The following BTF3L4 variants were observed in gnomAD, a reference collection of about 807,000 sequenced individuals.
BTF3L4 encodes the protein basic transcription factor 3 like 4, also known as transcription factor BTF3 homolog 4.
In BTF3L4, 6 loss-of-function variants were observed where a neutral mutation model predicts 16.8. The observed-to-expected ratio is 0.36, with a 90% CI of 0.20 to 0.71. The LOEUF is 0.71. Among genes scored for constraint, BTF3L4 ranks in the 30% least tolerant of loss-of-function variants. BTF3L4 has a pLI of 0.58. For synonymous variants in BTF3L4, 39 were observed against 59.8 expected, an observed-to-expected ratio of 0.65 and a Z score of 1.60; for missense variants, 92 against 186.9, an observed-to-expected ratio of 0.49 and a Z score of 2.96.
Position 52,079,862 on chromosome 1 carries a change from C to A in BTF3L4, c.169-3478C>A, listed in dbSNP as rs1381345238. On this transcript the variant is annotated intron_variant, in intron 3 of 5. Coordinates refer to ENST00000313334, the MANE Select transcript of BTF3L4 (RefSeq NM_152265.5). ...CATGAGGCCATGGAATTTTCTTTTT[C>A]TTTTCTTTTCTTTTTTTTTTTTTTT... is the stretch of plus-strand genomic sequence containing the variant. Among the ~76,000 whole-genome samples, 3 of 135,130 alleles carry A rather than the reference C, an allele frequency of 2.2e-5. No homozygotes were observed. In the South Asian group the frequency reaches 6.8e-4, roughly 31 times the overall value. 88.7% of individuals were successfully genotyped at this position (135,130 alleles called of 152,430 possible). A position where few individuals can be genotyped will look rare whatever the true frequency, so the allele number is the denominator to read the frequency against.
rs1686352799 is a variant in BTF3L4, at chr1:52,056,394, G to C, written c.-14+15G>C. ...CCCTGCTTCAGGTGAGACCCCCGGC[G>C]GTCCCGCCACTTCACGGCCATAGGC... is the stretch of plus-strand genomic sequence containing the variant. On this transcript the variant is annotated intron_variant, in intron 1 of 5. Transcript: ENST00000313334. The C allele has an allele frequency of 6.5e-6, 1 of 153,398 alleles. No individual in the cohort carries two copies. The highest frequency in any genetic ancestry group is 2.4e-5 in the African/African-American group (1 of 41,484). 9.5% of individuals were successfully genotyped at this position (153,398 alleles called of 1,614,324 possible). A position where few individuals can be genotyped will look rare whatever the true frequency, so the allele number is the denominator to read the frequency against.
At chr1:52,086,432 T>C in intron 5 of BTF3L4, 1 of 489,060 alleles carries the variant, frequency 2.0e-6, no homozygotes, top group East Asian at 3.3e-5. Context: ...GCTATTGTTA[T>C]AACATTTCTG....
chr1:52,058,658 A>G (rs1041658823), intron 1 of BTF3L4, among the ~76,000 whole-genome samples: 1 of 151,636 alleles, frequency 6.6e-6, no homozygotes. Flanking sequence ...CTGGAGTGCA[A>G]TGGCATGATC....
chr1:52,081,981 A>G (rs775663944), intron 3 of BTF3L4, among the ~76,000 whole-genome samples: 2 of 152,192 alleles, frequency 1.3e-5, no homozygotes, highest in African/African-American at 2.4e-5. Context: ...AACACTCAGC[A>G]TCTATGCTTG....
intron 4 of BTF3L4, among the ~76,000 whole-genome samples, chr1:52,085,013 C>CTCTTT (rs1271594843): frequency 1.7e-5 from 1 of 58,530 alleles, no homozygotes; most frequent in African/African-American, 6.8e-5. Context: ...TGAAAAAAAT[C>CTCTTT]TTTTTTTTTT....
chr1:52,071,566 C>T (rs1161188721), intron 3 of BTF3L4, among the ~76,000 whole-genome samples: 1 of 152,252 alleles, frequency 6.6e-6, no homozygotes, highest in East Asian at 1.9e-4. Flanking sequence ...TTAAGAGGTA[C>T]TGATTATTCC....
intron 1 of BTF3L4, among the ~76,000 whole-genome samples, chr1:52,057,504 TGTTTC>T (rs781700264): frequency 7.9e-5 from 12 of 152,238 alleles, no homozygotes; most frequent in Non-Finnish European, 1.6e-4. Flanking sequence ...GGGAGGGAAC[TGTTTC>T]GTTTGTAATT....
intron 3 of BTF3L4, among the ~76,000 whole-genome samples, chr1:52,075,227 A>C (rs1376055990): frequency 1.3e-5 from 2 of 152,072 alleles, no homozygotes. Flanking sequence ...TTGATAATAA[A>C]AGAATCATGT....
intron 3 of BTF3L4, among the ~76,000 whole-genome samples, chr1:52,078,441 TGG>T (rs1686987277): frequency 6.6e-6 from 1 of 152,052 alleles, no homozygotes; most frequent in African/African-American, 2.4e-5. Flanking sequence ...TACTAGATAT[TGG>T]GGGAAATACT....
In BTF3L4 at chr1:52,089,968, G is replaced by A. The variant is rs1644004817; in HGVS notation, c.*3210G>A. The A allele has an allele frequency of 6.6e-6, 1 of 152,116 alleles. No homozygotes were observed. The allele number at this position is 152,116 out of a possible 1,614,324, so 9.4% of individuals were successfully genotyped here. A position where few individuals can be genotyped will look rare whatever the true frequency, so the allele number is the denominator to read the frequency against. On this transcript the variant is annotated 3_prime_UTR_variant, in exon 6 of 6. Coordinates refer to ENST00000313334, the MANE Select transcript of BTF3L4 (RefSeq NM_152265.5). Reference sequence around the variant, plus strand: ...TGTTTTAATTCAGTGTTTAACCCTAGGTATGCTACATACCCATAAATAAGA... The same window carrying A: ...TGTTTTAATTCAGTGTTTAACCCTAAGTATGCTACATACCCATAAATAAGA...
rs3991108 is a variant in BTF3L4 at position 52,088,913 on chromosome 1, A to ATTTTTTTTTTTT, written c.*2162_*2173dup. The ATTTTTTTTTTTT allele has an allele frequency of 6.2e-5, 8 of 128,652 alleles. No individual in the cohort carries two copies. Among genetic ancestry groups the ATTTTTTTTTTTT allele is most frequent in the Non-Finnish European group, 1.3e-4 (8 of 60,494 alleles). 8.0% of individuals were successfully genotyped at this position (128,652 alleles called of 1,614,324 possible). A position where few individuals can be genotyped will look rare whatever the true frequency, so the allele number is the denominator to read the frequency against. On this transcript the variant is annotated 3_prime_UTR_variant, in exon 6 of 6. Coordinates refer to ENST00000313334, the MANE Select transcript of BTF3L4 (RefSeq NM_152265.5). ...TGTCTCAGCCTCCACAGTAGCTGGG[A>ATTTTTTTTTTTT]TTTTTTTTTTTTTTTTTTGTATTTT... is the stretch of plus-strand genomic sequence containing the variant.
chr1:52,058,422 C>G (rs979851257), intron 1 of BTF3L4, among the ~76,000 whole-genome samples: 2 of 152,072 alleles, frequency 1.3e-5, no homozygotes, highest in African/African-American at 4.8e-5. Context: ...GTCTTTGATG[C>G]TGCTTTTTTT....
intron 3 of BTF3L4, among the ~76,000 whole-genome samples, chr1:52,066,556 TTAACC>T: frequency 6.7e-6 from 1 of 149,806 alleles, no homozygotes; most frequent in East Asian, 2.1e-4. Flanking sequence ...TAAGTTAAAT[TTAACC>T]GGCCGGGTGC....
At chr1:52,069,705 A>C (rs1225313470) in intron 3 of BTF3L4, among the ~76,000 whole-genome samples, 4 of 152,198 alleles carry the variant, frequency 2.6e-5, no homozygotes, top group Non-Finnish European at 5.9e-5. Flanking sequence ...AAAACATGAA[A>C]AAGTAGAAAG....
intron 3 of BTF3L4, among the ~76,000 whole-genome samples, chr1:52,078,968 A>G (rs1316742067): frequency 2.0e-5 from 3 of 152,192 alleles, no homozygotes; most frequent in Non-Finnish European, 1.5e-5. Context: ...TATATTGTAC[A>G]TATATTATAT....
In BTF3L4 at chr1:52,059,061, G is replaced by C. The variant is rs146211497; in HGVS notation, c.-13-774G>C. On this transcript the variant is annotated intron_variant, in intron 1 of 5. Transcript: ENST00000313334. ...ATTAACTTTAAAAAGCTTGTTTTAG[G>C]AGTCTCCTCTCTGCCCCCCCCCAAC... 1.3e-3 allele frequency among the ~76,000 whole-genome samples: 196 copies of C among 152,094 alleles called. No homozygotes were observed. The Middle Eastern group carries it at 0.014, about 11-fold the overall frequency.
At chr1:52,077,678 T>C (rs1686967873) in intron 3 of BTF3L4, among the ~76,000 whole-genome samples, 1 of 152,216 alleles carries the variant, frequency 6.6e-6, no homozygotes, top group Non-Finnish European at 1.5e-5. Context: ...GCAAGAGCTA[T>C]GGAGTCAAAT....
chr1:52,083,296 T>C (rs1408809193), intron 3 of BTF3L4, 44 bp from the exon 4 acceptor site: 2 of 1,487,224 alleles, frequency 1.3e-6, no homozygotes, highest in Admixed American at 3.4e-5. Context: ...ATTGTTTTAG[T>C]GTACCTAGCA....
At chr1:52,072,204 G>C (rs537439243) in intron 3 of BTF3L4, among the ~76,000 whole-genome samples, 3 of 151,542 alleles carry the variant, frequency 2.0e-5, no homozygotes, top group Non-Finnish European at 4.4e-5. Context: ...ACAGGCGCCC[G>C]CCACCACGCC....
Sources: gnomAD v4.1 joint callset for allele counts (sites outside exome capture counted in the v4.1 genomes callset) on GRCh38, gnomAD v4.1.1 for gene constraint, MANE v1.5 for transcripts, NCBI Gene and HGNC (gene_info 2026-07-23, HGNC 2026-07-21) for gene names.